Variants in IGF2BP3 observed in about 807,000 individuals in gnomAD.
IGF2BP3 encodes insulin like growth factor 2 mRNA binding protein 3, also known as insulin-like growth factor 2 mRNA-binding protein 3.
Under a neutral mutation model 73.8 loss-of-function variants are expected in IGF2BP3, and 9 were observed. That is an observed-to-expected ratio of 0.12 (90% confidence interval 0.07 to 0.21). The LOEUF (loss-of-function observed/expected upper bound fraction) is 0.21, where lower values mean the gene tolerates loss of function less well. Ranked by LOEUF, IGF2BP3 falls within the 10% of genes least tolerant of loss-of-function variation. The pLI is 1.00. For missense variants in IGF2BP3, 542 were observed against 714.0 expected, an observed-to-expected ratio of 0.76 and a Z score of 2.75; for synonymous variants, 258 against 256.7, an observed-to-expected ratio of 1.01 and a Z score of -0.05.
intron 3 of IGF2BP3, among the ~76,000 whole-genome samples, chr7:23,362,282 A>C (rs752088539): frequency 3.3e-5 from 5 of 152,196 alleles, no homozygotes; most frequent in Non-Finnish European, 7.3e-5. Flanking sequence ...AGAAAAAAAA[A>C]ACTAAAGTTT....
At chr7:23,424,548 G>A (rs1787445090) in intron 2 of IGF2BP3, among the ~76,000 whole-genome samples, 1 of 152,056 alleles carries the variant, frequency 6.6e-6, no homozygotes, top group African/African-American at 2.4e-5. Context: ...AGAAATATTA[G>A]TTACTATGAA....
chr7:23,465,867 C>T (rs1239323824), intron 2 of IGF2BP3, among the ~76,000 whole-genome samples: 5 of 152,094 alleles, frequency 3.3e-5, no homozygotes, highest in Non-Finnish European at 7.3e-5. Flanking sequence ...CTTGACCTTC[C>T]CTTAGGTGCT....
intron 3 of IGF2BP3, among the ~76,000 whole-genome samples, chr7:23,369,910 T>C (rs1785494016): frequency 1.3e-5 from 2 of 152,130 alleles, no homozygotes; most frequent in South Asian, 4.1e-4. Context: ...TACCCACTGC[T>C]CAAGTCCCAT....
intron 2 of IGF2BP3, among the ~76,000 whole-genome samples, chr7:23,464,095 T>C (rs1788509506): frequency 1.3e-5 from 2 of 152,210 alleles, no homozygotes; most frequent in African/African-American, 2.4e-5. Flanking sequence ...AAACAGCTTT[T>C]GCTGTCCTAA....
chr7:23,399,547 A>G (rs561738615), intron 3 of IGF2BP3, among the ~76,000 whole-genome samples: 1 of 152,162 alleles, frequency 6.6e-6, no homozygotes, highest in Non-Finnish European at 1.5e-5. Context: ...CTTGACTTTA[A>G]CCCACAGAGA....
intron 5 of IGF2BP3, among the ~76,000 whole-genome samples, chr7:23,356,574 C>T (rs907171588): frequency 6.6e-6 from 1 of 152,136 alleles, no homozygotes; most frequent in Non-Finnish European, 1.5e-5. Context: ...AAAAATAATA[C>T]TAAAATAAAT....
intron 3 of IGF2BP3, among the ~76,000 whole-genome samples, chr7:23,382,818 G>C (rs190024011): frequency 1.4e-5 from 2 of 144,362 alleles, no homozygotes; most frequent in Admixed American, 1.5e-4. Flanking sequence ...GGGTGGAGGG[G>C]TAAGGGAGGG....
intron 5 of IGF2BP3, among the ~76,000 whole-genome samples, chr7:23,355,456 C>G (rs1316819547): frequency 1.3e-5 from 2 of 151,960 alleles, no homozygotes; most frequent in Non-Finnish European, 2.9e-5. Flanking sequence ...GTCTCGAACT[C>G]CTGACCTCAA....
intron 2 of IGF2BP3, among the ~76,000 whole-genome samples, chr7:23,451,310 C>T (rs191301188): frequency 2.0e-4 from 31 of 152,098 alleles, no homozygotes; most frequent in Middle Eastern, 3.4e-3. Context: ...CCCAGCTACT[C>T]GGGAGGCTGA....
At chr7:23,313,779 T>C (rs1274216308) in intron 12 of IGF2BP3, 126 bp from the exon 13 acceptor site, 18 of 866,146 alleles carry the variant, frequency 2.1e-5, no homozygotes, top group Non-Finnish European at 3.0e-5. Context: ...ATTTCATAGA[T>C]TGTTGAAAAT....
Position 23,351,311 on chromosome 7 carries a change from T to C in IGF2BP3, c.677A>G (p.Gln226Arg), listed in dbSNP as rs1355079493. 32 of 1,613,810 alleles carry C rather than the reference T, an allele frequency of 2.0e-5. No homozygotes were observed. Among genetic ancestry groups the C allele is most frequent in the Non-Finnish European group, 2.7e-5 (32 of 1,179,814 alleles). Residue 226 changes from glutamine to arginine, a missense_variant, in exon 6 of 15, where the codon CAG (glutamine) becomes CGG (arginine). Physicochemically the swap from Gln to Arg is conservative, Grantham distance 43 (BLOSUM62 1). Transcript: ENST00000258729. ...ACACACTCAGCATACTCACTTAGAC[T>C]GGGTCTGTTTGGTGATGTTCCGAAT... ...ATIRNITKQTQSKIDVHRKEN... is the reference protein window; with the variant it reads ...ATIRNITKQTRSKIDVHRKEN...
intron 3 of IGF2BP3, among the ~76,000 whole-genome samples, chr7:23,373,152 C>T (rs1331587490): frequency 6.6e-6 from 1 of 152,180 alleles, no homozygotes; most frequent in African/African-American, 2.4e-5. Context: ...CCATGTATCC[C>T]CTTGCTCATG....
chr7:23,427,818 C>T (rs1019069805), intron 2 of IGF2BP3, among the ~76,000 whole-genome samples: 5 of 151,714 alleles, frequency 3.3e-5, no homozygotes, highest in African/African-American at 4.8e-5. Flanking sequence ...CCAGCCTGGC[C>T]AAGATGGTGA....
chr7:23,329,403 T>C (rs974759605), intron 10 of IGF2BP3, among the ~76,000 whole-genome samples: 2 of 152,216 alleles, frequency 1.3e-5, no homozygotes, highest in Non-Finnish European at 2.9e-5. Context: ...CCAACTTCAA[T>C]GTTTCAATAA....
intron 10 of IGF2BP3, among the ~76,000 whole-genome samples, chr7:23,334,486 T>G (rs1784522067): frequency 6.6e-6 from 1 of 152,258 alleles, no homozygotes; most frequent in South Asian, 2.1e-4. Context: ...TCACCTGAAT[T>G]TAAGTCTATG....
chr7:23,316,827 G>A (rs1047663616), intron 12 of IGF2BP3, among the ~76,000 whole-genome samples: 14 of 152,082 alleles, frequency 9.2e-5, no homozygotes, highest in Admixed American at 7.2e-4. Flanking sequence ...TTATGAATTT[G>A]GCATGGTCTT....
chr7:23,391,385 C>T (rs1221906044), intron 3 of IGF2BP3, among the ~76,000 whole-genome samples: 1 of 152,180 alleles, frequency 6.6e-6, no homozygotes, highest in Non-Finnish European at 1.5e-5. Context: ...CAGGTGTGAG[C>T]CACCGTGCCC....
chr7:23,434,263 T>C (rs1327088991), intron 2 of IGF2BP3, among the ~76,000 whole-genome samples: 1 of 152,154 alleles, frequency 6.6e-6, no homozygotes, highest in Admixed American at 6.5e-5. Flanking sequence ...TATTTCGTAT[T>C]ACTGCTAAGT....
intron 3 of IGF2BP3, among the ~76,000 whole-genome samples, chr7:23,395,357 A>T (rs750146654): frequency 1.3e-5 from 2 of 152,198 alleles, no homozygotes; most frequent in Non-Finnish European, 2.9e-5. Context: ...GGGCCAACAC[A>T]GCTGGCACCA....
Sources: allele counts gnomAD v4.1 joint callset (sites outside exome capture counted in the v4.1 genomes callset), GRCh38; gene constraint gnomAD v4.1.1; transcripts MANE v1.5; gene names NCBI Gene and HGNC (gene_info 2026-07-23, HGNC 2026-07-21).